EXOC2: variants seen among roughly 807,000 people sequenced by gnomAD.
EXOC2 encodes the protein SEC5-like 1.
EXOC2 carries 70 observed loss-of-function variants against 131.8 expected under a neutral mutation model. The observed-to-expected ratio is 0.53, with a 90% confidence interval of 0.44 to 0.65. The LOEUF (loss-of-function observed/expected upper bound fraction) is 0.65. Among genes scored for constraint, EXOC2 ranks in the 30% least tolerant of loss-of-function variants. The probability of loss-of-function intolerance (pLI) is 0.00; values close to 1 mark genes in which losing one functional copy is unlikely to be tolerated. For missense variants in EXOC2, 923 were observed against 1,108.6 expected (o/e 0.83, Z 2.38); for synonymous variants, 411 against 398.4 (o/e 1.03, Z -0.38).
intron 1 of EXOC2, among the ~76,000 whole-genome samples, chr6:663,207 A>C (rs1365401771): frequency 6.6e-6 from 1 of 152,190 alleles, no homozygotes; most frequent in African/African-American, 2.4e-5. Flanking sequence ...GAGATGGATA[A>C]ATTCCTGGAT....
intron 23 of EXOC2, among the ~76,000 whole-genome samples, chr6:525,818 AGAAT>A (rs1434619286): frequency 1.2e-4 from 19 of 152,148 alleles, no homozygotes; most frequent in African/African-American, 4.1e-4. Context: ...AAATGAGGAA[AGAAT>A]GAATGCATGT....
chr6:587,599 T>C (rs1340163264), intron 11 of EXOC2, among the ~76,000 whole-genome samples: 1 of 152,134 alleles, frequency 6.6e-6, no homozygotes, highest in Admixed American at 6.5e-5. Context: ...CATATAGAAA[T>C]GATCACATAC....
At chr6:579,764 CA>C (rs796263150) in intron 11 of EXOC2, among the ~76,000 whole-genome samples, 31 of 145,400 alleles carry the variant, frequency 2.1e-4, no homozygotes, top group African/African-American at 5.8e-4. Context: ...GACCAAGTGT[CA>C]AAAAAAAAAC....
intron 7 of EXOC2, among the ~76,000 whole-genome samples, chr6:599,660 G>A (rs1334611310): frequency 6.6e-6 from 1 of 152,064 alleles, no homozygotes; most frequent in Non-Finnish European, 1.5e-5. Flanking sequence ...AACAAAACAA[G>A]GAAATCATTT....
chr6:643,137 G>C (rs546449133), intron 1 of EXOC2, among the ~76,000 whole-genome samples: 1 of 152,134 alleles, frequency 6.6e-6, no homozygotes, highest in Non-Finnish European at 1.5e-5. Context: ...CTGATTGATA[G>C]GGAGAGATAA....
At chr6:516,919 C>T (rs946526927) in intron 23 of EXOC2, among the ~76,000 whole-genome samples, 5 of 152,302 alleles carry the variant, frequency 3.3e-5, no homozygotes, top group Middle Eastern at 6.8e-3. Flanking sequence ...GCCTCACTGA[C>T]GGAGAGACCA....
intron 22 of EXOC2, among the ~76,000 whole-genome samples, chr6:541,011 G>A (rs1384477347): frequency 6.6e-6 from 1 of 152,190 alleles, no homozygotes; most frequent in Admixed American, 6.5e-5. Context: ...AGACATCTGT[G>A]GAATGTGGTA....
intron 7 of EXOC2, among the ~76,000 whole-genome samples, chr6:608,650 G>T (rs1404871987): frequency 6.6e-6 from 1 of 151,982 alleles, no homozygotes; most frequent in Non-Finnish European, 1.5e-5. Flanking sequence ...CTGCTTCAAA[G>T]AAATAAAAAA....
At chr6:559,163 GAA>G (rs1361923937) in intron 17 of EXOC2, among the ~76,000 whole-genome samples, 1 of 152,148 alleles carries the variant, frequency 6.6e-6, no homozygotes, top group Non-Finnish European at 1.5e-5. Flanking sequence ...TATCCAAATT[GAA>G]AAGAGGCAGA....
chr6:668,271 C>T (rs957644400), intron 1 of EXOC2, among the ~76,000 whole-genome samples: 1 of 152,138 alleles, frequency 6.6e-6, no homozygotes, highest in Non-Finnish European at 1.5e-5. Flanking sequence ...CATGCTGTGC[C>T]TCCATCATGT....
At chr6:511,440 A>AAG (rs1230740448) in intron 23 of EXOC2, among the ~76,000 whole-genome samples, 2 of 152,276 alleles carry the variant, frequency 1.3e-5, no homozygotes, top group Non-Finnish European at 2.9e-5. Flanking sequence ...TGGGATTTTA[A>AAG]AGTCCCATTT....
In EXOC2 at chr6:576,760, C is replaced by T. The variant is rs146558148; in HGVS notation, c.1315G>A (p.Asp439Asn). ...GGCAGTGGAGGGAGATACTTACTGT[C>T]GTCTCGACCAGACTGAAAGCTGCTG... ...RGSSFQSGRD[D>N]TWRYKTPHRV... Residue 439 changes from aspartate to asparagine, a missense_variant, in exon 12 of 28, where the codon GAC becomes AAC. Physicochemically the swap from Asp to Asn is conservative, Grantham distance 23. Transcript: ENST00000230449. 839 of 1,613,370 alleles carry T rather than the reference C, an allele frequency of 5.2e-4. 3 individuals carry two copies. The African/African-American group carries it at 9.6e-3, about 18-fold the overall frequency.
intron 6 of EXOC2, among the ~76,000 whole-genome samples, chr6:611,702 C>T (rs1310632114): frequency 6.6e-6 from 1 of 152,154 alleles, no homozygotes; most frequent in African/African-American, 2.4e-5. Context: ...TTCACTTGAC[C>T]TTTTATTTTC....
At chr6:512,599 G>A (rs1764917042) in intron 23 of EXOC2, among the ~76,000 whole-genome samples, 1 of 152,192 alleles carries the variant, frequency 6.6e-6, no homozygotes, top group Non-Finnish European at 1.5e-5. Flanking sequence ...ACAGCAGGTT[G>A]GCACCCCAAC....
intron 5 of EXOC2, among the ~76,000 whole-genome samples, chr6:618,563 A>G (rs1264337412): frequency 6.6e-6 from 1 of 152,262 alleles, no homozygotes; most frequent in African/African-American, 2.4e-5. Context: ...TAAAATCAGA[A>G]TCATCTTCTA....
Position 486,319 on chromosome 6 carries a change from G to C in EXOC2, c.*352C>G, listed in dbSNP as rs1447570648. 5.1e-6 allele frequency: 1 copy of C among 197,292 alleles called. No homozygotes were observed. Among genetic ancestry groups the C allele is most frequent in the Non-Finnish European group, 1.0e-5 (1 of 97,402 alleles). The allele number at this position is 197,292 out of a possible 1,614,324, so 12.2% of individuals were successfully genotyped here. A position where few individuals can be genotyped will look rare whatever the true frequency, so the allele number is the denominator to read the frequency against. Reference sequence around the variant, plus strand: ...GGGAGCTGCCTGCGCTTCCGTGAACGGGACACTGAGAAATGCTTCAATATG... The same window carrying C: ...GGGAGCTGCCTGCGCTTCCGTGAACCGGACACTGAGAAATGCTTCAATATG... On this transcript the variant is annotated 3_prime_UTR_variant, in exon 28 of 28. Coordinates refer to ENST00000230449, the MANE Select transcript of EXOC2 (RefSeq NM_018303.6).
chr6:498,222 G>C (rs1763849987), intron 24 of EXOC2, among the ~76,000 whole-genome samples: 1 of 152,178 alleles, frequency 6.6e-6, no homozygotes, highest in Non-Finnish European at 1.5e-5. Flanking sequence ...TTAAGATTAT[G>C]TAGCAAATAG....
At chr6:692,843 G>GCGGGGATGGGGGCTA (rs1333403465) in intron 1 of EXOC2, among the ~76,000 whole-genome samples, 176 bp downstream of exon 1, 1 of 152,124 alleles carries the variant, frequency 6.6e-6, no homozygotes, top group African/African-American at 2.4e-5. Flanking sequence ...GATGGGGGCT[G>GCGGGGATGGGGGCTA]CGGGGCTGGG....
intron 10 of EXOC2, among the ~76,000 whole-genome samples, chr6:595,257 T>C (rs1737547): frequency 0.094 from 14,319 of 152,038 alleles, 1,322 homozygotes; most frequent in African/African-American, 0.23. Flanking sequence ...ATAATCTGGA[T>C]TATGTAAGAA....
Sources: gnomAD v4.1 joint callset for allele counts (sites outside exome capture counted in the v4.1 genomes callset) on GRCh38, gnomAD v4.1.1 for gene constraint, MANE v1.5 for transcripts, NCBI Gene and HGNC (gene_info 2026-07-23, HGNC 2026-07-21) for gene names.